Variants in ELMO1 observed in about 807,000 individuals in gnomAD.
The protein encoded by ELMO1 is engulfment and cell motility protein 1.
In ELMO1, 26 loss-of-function variants were observed where a neutral mutation model predicts 98.9. That is an observed-to-expected ratio of 0.26 (90% CI 0.19 to 0.36). The LOEUF (loss-of-function observed/expected upper bound fraction) is 0.36, where lower values mean the gene tolerates loss of function less well. ELMO1 is among the 10% of genes least tolerant of loss of function. The probability of loss-of-function intolerance (pLI) is 1.00; values close to 1 mark genes in which losing one functional copy is unlikely to be tolerated. For missense variants in ELMO1, 627 were observed against 935.2 expected (o/e 0.67, Z 4.30); for synonymous variants, 346 against 346.0 (o/e 1.00, Z 0.00).
At chr7:37,113,129 T>C (rs917282486) in intron 14 of ELMO1, among the ~76,000 whole-genome samples, 2 of 152,244 alleles carry the variant, frequency 1.3e-5, no homozygotes, top group Admixed American at 6.5e-5. Context: ...CCAGAGAGGT[T>C]AGAGCGTGTT....
chr7:36,881,010 A>G (rs992450037), intron 18 of ELMO1, among the ~76,000 whole-genome samples: 2 of 152,196 alleles, frequency 1.3e-5, no homozygotes, highest in African/African-American at 4.8e-5. Flanking sequence ...CTCTTATCCT[A>G]TACAAGTTTC....
At chr7:37,376,158 G>A (rs971775528) in intron 1 of ELMO1, 1 of 281,558 alleles carries the variant, frequency 3.6e-6, no homozygotes, top group Non-Finnish European at 7.0e-6. Context: ...CAGTTAGCAA[G>A]GTATAGAATT....
rs977113502 is a variant in ELMO1, at chr7:37,411,491, A to G, written c.-74+37184T>C. ...TTAAATAAAATTTAATTTTCTGGCT[A>G]TTGCCCTTTAAGTGTGCTAAGTTAG... On this transcript the variant is annotated intron_variant, in intron 1 of 21. Transcript: ENST00000310758. 3.9e-5 allele frequency among the ~76,000 whole-genome samples: 6 copies of G among 152,172 alleles called. No homozygotes were observed. In the East Asian group the frequency reaches 7.7e-4, roughly 20 times the overall value.
intron 16 of ELMO1, chr7:36,998,054 G>C (rs550824882): frequency 6.6e-6 from 1 of 152,198 alleles, no homozygotes; most frequent in Admixed American, 6.5e-5. Flanking sequence ...ACTTGAAAGA[G>C]GAACAGGGTT....
chr7:36,949,523 G>C (rs78290600), intron 16 of ELMO1, among the ~76,000 whole-genome samples: 2 of 151,780 alleles, frequency 1.3e-5, no homozygotes, highest in African/African-American at 4.8e-5. Context: ...CTCTTCACTC[G>C]GTCTAGGCCA....
chr7:37,254,946 A>T (rs1168745715), intron 6 of ELMO1, among the ~76,000 whole-genome samples: 1 of 152,240 alleles, frequency 6.6e-6, no homozygotes, highest in Non-Finnish European at 1.5e-5. Context: ...GGAATAGTGA[A>T]TCTTTTGGAC....
At chr7:37,259,155 T>C in intron 6 of ELMO1, 26 bp downstream of exon 6, 3 of 1,596,222 alleles carry the variant, frequency 1.9e-6, no homozygotes, top group Non-Finnish European at 2.6e-6. Flanking sequence ...AGGACAGCTG[T>C]GGAAGTTAGG....
At chr7:36,931,652 C>T (rs77364192) in intron 16 of ELMO1, among the ~76,000 whole-genome samples, 4,426 of 152,298 alleles carry the variant, frequency 0.029, 212 homozygotes, top group African/African-American at 0.1. Flanking sequence ...CTAATATAGA[C>T]TCTGCAGAGT....
intron 14 of ELMO1, among the ~76,000 whole-genome samples, chr7:37,111,842 G>A (rs977252659): frequency 3.3e-5 from 5 of 152,196 alleles, no homozygotes; most frequent in African/African-American, 1.2e-4. Context: ...TGACCCTTCT[G>A]TTGAAAACTA....
chr7:36,907,797 C>A (rs1436626329), intron 16 of ELMO1, among the ~76,000 whole-genome samples: 2 of 152,242 alleles, frequency 1.3e-5, no homozygotes, highest in Non-Finnish European at 2.9e-5. Flanking sequence ...GCAGACATCA[C>A]TAATCTATCA....
intron 4 of ELMO1, among the ~76,000 whole-genome samples, chr7:37,290,944 GAA>G (rs1182152403): frequency 6.6e-6 from 1 of 152,058 alleles, no homozygotes; most frequent in African/African-American, 2.4e-5. Flanking sequence ...GAAGAGAAGA[GAA>G]AGAGGAAGAA....
At chr7:37,090,696 T>C (rs999863414) in intron 15 of ELMO1, among the ~76,000 whole-genome samples, 2 of 152,224 alleles carry the variant, frequency 1.3e-5, no homozygotes, top group African/African-American at 2.4e-5. Flanking sequence ...TCTTCTTCTC[T>C]ATCACACCTT....
At chr7:37,437,766 G>C (rs1805211160) in intron 1 of ELMO1, among the ~76,000 whole-genome samples, 1 of 15,152 alleles carries the variant, frequency 6.6e-5, no homozygotes. Flanking sequence ...TCAGGAGATC[G>C]AGACCATCCT....
chr7:37,277,319 C>A (rs1796894277), intron 4 of ELMO1, among the ~76,000 whole-genome samples: 1 of 152,186 alleles, frequency 6.6e-6, no homozygotes, highest in African/African-American at 2.4e-5. Context: ...GCAGCACAGG[C>A]TTTTAGAGGA....
At chr7:37,119,687 A>G (rs1401752348) in intron 14 of ELMO1, among the ~76,000 whole-genome samples, 1 of 152,234 alleles carries the variant, frequency 6.6e-6, no homozygotes, top group East Asian at 1.9e-4. Flanking sequence ...AGACTTATTT[A>G]CTTGACATAT....
chr7:37,084,517 T>C (rs934397404), intron 15 of ELMO1, among the ~76,000 whole-genome samples: 2 of 152,188 alleles, frequency 1.3e-5, no homozygotes, highest in East Asian at 1.9e-4. Flanking sequence ...GGTGATAGCA[T>C]TGCACCATAG....
intron 21 of ELMO1, among the ~76,000 whole-genome samples, chr7:36,860,253 GT>G (rs1171836850): frequency 2.6e-5 from 4 of 152,160 alleles, no homozygotes; most frequent in Non-Finnish European, 4.4e-5. Context: ...TGTGTGGGGG[GT>G]TTGGTGCCCA....
chr7:37,385,930 G>A (rs1019659836), intron 1 of ELMO1, among the ~76,000 whole-genome samples: 1 of 152,206 alleles, frequency 6.6e-6, no homozygotes, highest in African/African-American at 2.4e-5. Context: ...CTAGTGTTAC[G>A]TGCTCCACAG....
chr7:36,910,227 C>G (rs1784248406), intron 16 of ELMO1, among the ~76,000 whole-genome samples: 1 of 152,244 alleles, frequency 6.6e-6, no homozygotes, highest in South Asian at 2.1e-4. Flanking sequence ...GTGGCTTACT[C>G]AAAATCATAC....
Sources: allele counts gnomAD v4.1 joint callset (sites outside exome capture counted in the v4.1 genomes callset), GRCh38; gene constraint gnomAD v4.1.1; transcripts MANE v1.5; gene names NCBI Gene and HGNC (gene_info 2026-07-23, HGNC 2026-07-21).